ORC3: variants seen among roughly 807,000 people sequenced by gnomAD.
The protein encoded by ORC3 is origin recognition complex subunit 3, also known as homolog of latheo, Drosophila.
Under a neutral mutation model 100.7 loss-of-function variants are expected in ORC3, and 78 were observed. The observed-to-expected ratio is 0.77, with a 90% confidence interval of 0.65 to 0.94. ORC3 has a LOEUF of 0.94. Among genes scored for constraint, ORC3 ranks in the 40% least tolerant of loss-of-function variants. The pLI is 0.00. For synonymous variants in ORC3, 295 were observed against 289.3 expected (o/e 1.02, Z -0.20); for missense variants, 789 against 823.9 (o/e 0.96, Z 0.52).
At chr6:87,619,625 C>T (rs1352262367) in intron 9 of ORC3, among the ~76,000 whole-genome samples, 3 of 152,120 alleles carry the variant, frequency 2.0e-5, no homozygotes, top group Admixed American at 6.5e-5. Flanking sequence ...AGGCTGGTCT[C>T]GAACTTCTGA....
chr6:87,674,302 CAAAAAAAAAAA>C, the ORC3 span, among the ~76,000 whole-genome samples: 3 of 87,144 alleles, frequency 3.4e-5, no homozygotes, highest in South Asian at 4.2e-4. Context: ...AACTCTATCT[CAAAAAAAAAAA>C]AAAAAAAAAA....
At chr6:87,645,753 T>A (rs1004199611) in intron 13 of ORC3, among the ~76,000 whole-genome samples, 1 of 150,146 alleles carries the variant, frequency 6.7e-6, no homozygotes, top group Non-Finnish European at 1.5e-5. Context: ...TGGCTTTCTG[T>A]ATGATGAAGC....
At position 87,594,983 on chromosome 6, in the gene ORC3, G is replaced by C. The variant is rs544750599; in HGVS notation, c.79+576G>C. Among the ~76,000 whole-genome samples, 3 of 152,258 alleles carry C rather than the reference G, an allele frequency of 2.0e-5. No individual in the cohort carries two copies. In the South Asian group the frequency reaches 6.2e-4, roughly 32 times the overall value. The stretch of plus-strand genomic sequence containing the variant: ...TAAATATGCTTAAAAATTTTGATGT[G>C]ATATTCCATTTTATGAATAAACTTG... On this transcript the variant is annotated intron_variant, in intron 2 of 19. Coordinates refer to ENST00000392844, the MANE Select transcript of ORC3 (RefSeq NM_012381.4).
intron 3 of ORC3, 28 bp from the exon 4 acceptor site, chr6:87,603,350 CTAATAA>C (rs758186723): frequency 3.2e-5 from 37 of 1,159,770 alleles, no homozygotes; most frequent in Non-Finnish European, 4.4e-5. Context: ...ATTATTATTT[CTAATAA>C]TAATAAGTTT....
At chr6:87,599,702 G>T (rs1055927834) in intron 2 of ORC3, among the ~76,000 whole-genome samples, 20 of 142,818 alleles carry the variant, frequency 1.4e-4, no homozygotes, top group African/African-American at 4.4e-4. Flanking sequence ...CTGGCTAGGT[G>T]GGGTGATGTA....
At chr6:87,659,058 A>ATTTTTTT (rs71021316) in intron 16 of ORC3, among the ~76,000 whole-genome samples, 2 of 93,274 alleles carry the variant, frequency 2.1e-5, no homozygotes, top group East Asian at 2.9e-4. Context: ...GTTTATTGTA[A>ATTTTTTT]TTTTTTTTTT....
At chr6:87,594,285 T>C (rs547126885) in intron 1 of ORC3, 68 bp from the exon 2 acceptor site, 59 of 1,129,886 alleles carry the variant, frequency 5.2e-5, no homozygotes, top group Middle Eastern at 2.0e-4. Flanking sequence ...CCATAAAATA[T>C]TTGGTTAATC....
intron 13 of ORC3, among the ~76,000 whole-genome samples, chr6:87,650,363 T>A: frequency 6.6e-6 from 1 of 152,148 alleles, no homozygotes; most frequent in Non-Finnish European, 1.5e-5. Flanking sequence ...TCTTTTACAC[T>A]CTCTTTTATT....
Position 87,625,855 on chromosome 6 carries a change from AT to A in ORC3, c.1185+3849del, listed in dbSNP as rs200882777. 6.7e-3 allele frequency among the ~76,000 whole-genome samples: 1,018 copies of A among 152,176 alleles called. 8 individuals carry two copies. The highest frequency in any genetic ancestry group is 0.023 in the African/African-American group (963 of 41,510). ...TTAAGTCTTTAATCCATCTTGAATG[AT>A]TTTTTTATAAGGTTAAGGAAGGGAT... On this transcript the variant is annotated intron_variant, in intron 11 of 19. Transcript: ENST00000392844.
At chr6:87,671,997 A>G (rs1429153071), downstream of ORC3, among the ~76,000 whole-genome samples, 1 of 152,238 alleles carries the variant, frequency 6.6e-6, no homozygotes, top group Non-Finnish European at 1.5e-5. Flanking sequence ...GTTAAAATTA[A>G]TGACAGTACA....
At chr6:87,613,185 C>T (rs1339537377) in intron 8 of ORC3, among the ~76,000 whole-genome samples, 1 of 152,126 alleles carries the variant, frequency 6.6e-6, no homozygotes, top group Non-Finnish European at 1.5e-5. Context: ...GGGGAGGCCT[C>T]ACAATCATGG....
At chr6:87,636,332 A>T (rs756221241) in intron 12 of ORC3, 75 bp from the exon 13 acceptor site, 2 of 814,238 alleles carry the variant, frequency 2.5e-6, no homozygotes, top group African/African-American at 1.7e-5. Context: ...TTTTGTGTTG[A>T]CCAGAAATGA....
At chr6:87,629,586 GGT>G (rs753219360) in intron 11 of ORC3, among the ~76,000 whole-genome samples, 2 of 100,586 alleles carry the variant, frequency 2.0e-5, no homozygotes, top group Admixed American at 1.2e-4. Flanking sequence ...AGATTCAGGG[GGT>G]TACAGGTGCA....
At chr6:87,652,506 T>C (rs1174339591) in intron 13 of ORC3, among the ~76,000 whole-genome samples, 1 of 152,240 alleles carries the variant, frequency 6.6e-6, no homozygotes, top group Admixed American at 6.5e-5. Context: ...TAAAGTTCAG[T>C]GGGTTTACTG....
At position 87,616,296 on chromosome 6, in the gene ORC3, C is replaced by G; in HGVS notation, c.874-18C>G. ...GACTAACAAGGAGTGTGTCCCCCTC[C>G]CTTTTAATCTCTTTCAGCTACTTCT... On this transcript the variant is annotated intron_variant, in intron 8 of 19. Transcript: ENST00000392844. 1 of 919,192 alleles carries G rather than the reference C, an allele frequency of 1.1e-6. No homozygotes were observed. The highest frequency in any genetic ancestry group is 1.8e-5 in the Admixed American group (1 of 56,242). 56.9% of individuals were successfully genotyped at this position (919,192 alleles called of 1,614,324 possible).
chr6:87,599,732 T>C (rs1562318866), intron 2 of ORC3, among the ~76,000 whole-genome samples: 1 of 140,712 alleles, frequency 7.1e-6, no homozygotes, highest in African/African-American at 2.7e-5. Flanking sequence ...TACCAGCACT[T>C]TGGGAGGCCA....
intron 13 of ORC3, among the ~76,000 whole-genome samples, chr6:87,638,924 A>G (rs894069172): frequency 6.6e-6 from 1 of 151,888 alleles, no homozygotes; most frequent in African/African-American, 2.4e-5. Flanking sequence ...GGGGATACCA[A>G]GCAACTACAG....
intron 11 of ORC3, among the ~76,000 whole-genome samples, chr6:87,628,924 G>T (rs1780113847): frequency 6.6e-6 from 1 of 152,210 alleles, no homozygotes; most frequent in South Asian, 2.1e-4. Context: ...GTGATCAAAT[G>T]AGCTGGGCAT....
chr6:87,676,548 A>T, the ORC3 span, among the ~76,000 whole-genome samples: 2 of 150,356 alleles, frequency 1.3e-5, no homozygotes, highest in Admixed American at 1.3e-4. Flanking sequence ...TGAGGTCAGA[A>T]GATCAAAGCC....
Sources: allele counts gnomAD v4.1 joint callset (sites outside exome capture counted in the v4.1 genomes callset), GRCh38; gene constraint gnomAD v4.1.1; transcripts MANE v1.5; gene names NCBI Gene and HGNC (gene_info 2026-07-23, HGNC 2026-07-21).